COL23A1: variants seen among roughly 807,000 people sequenced by gnomAD.
COL23A1 encodes the protein collagen type XXIII alpha 1 chain.
COL23A1 carries 97 observed loss-of-function variants against 99.3 expected under a neutral mutation model. The observed-to-expected ratio is 0.98, with a 90% CI of 0.83 to 1.16. The LOEUF is 1.16. Among genes scored for constraint, COL23A1 ranks in the 50% most tolerant of loss-of-function variants. The pLI is 0.00. For synonymous variants in COL23A1, 320 were observed against 308.2 expected (o/e 1.04, Z -0.40); for missense variants, 762 against 757.4 (o/e 1.01, Z -0.07).
Position 178,590,117 on chromosome 5 carries a change from C to T in COL23A1, c.81G>A (p.Ser27=). ...CCGCCCGGGACCCGGCCGTCGTCGC[C>T]GAGCGCCCTCCGCCGCCGCCGCCCG... The part of the protein sequence containing the change: ...NAAGGGGGGR[S]ATTAGSRAVS... The change falls in exon 1 of 29, where the codon TCG becomes TCA. Residue 27 remains serine, a synonymous_variant. Coordinates refer to ENST00000390654, the MANE Select transcript of COL23A1 (RefSeq NM_173465.4). The surrounding 1 kb of genome is among the most constrained non-coding windows in gnomAD (Gnocchi z 5.7). The T allele has an allele frequency of 8.0e-7, 1 of 1,247,024 alleles. No homozygotes were observed. Among genetic ancestry groups the T allele is most frequent in the Non-Finnish European group, 1.0e-6 (1 of 997,928 alleles). 77.2% of individuals were successfully genotyped at this position (1,247,024 alleles called of 1,614,324 possible). A position where few individuals can be genotyped will look rare whatever the true frequency, so the allele number is the denominator to read the frequency against.
chr5:178,563,488 C>G (rs907373873), intron 1 of COL23A1, among the ~76,000 whole-genome samples: 11 of 150,780 alleles, frequency 7.3e-5, no homozygotes, highest in African/African-American at 2.7e-4. Flanking sequence ...GGGGGGCCCA[C>G]GCAAAAGCTG....
chr5:178,484,659 T>TA (rs1270033146), intron 2 of COL23A1, among the ~76,000 whole-genome samples: 1 of 151,482 alleles, frequency 6.6e-6, no homozygotes, highest in Non-Finnish European at 1.5e-5. Context: ...CCGTCTCTAG[T>TA]AAAAATACAA....
In COL23A1 at chr5:178,350,704, G is replaced by A. The variant is rs575396454; in HGVS notation, c.362-43785C>T. 5.3e-5 allele frequency among the ~76,000 whole-genome samples: 8 copies of A among 152,278 alleles called. No homozygotes were observed. In the South Asian group the frequency reaches 1.0e-3, roughly 20 times the overall value. ...ATCTGTTAATGGGACCAGGCTGCCC[G>A]AGACCCTGGGCAGCCCTGCTGCTGT... On this transcript the variant is annotated intron_variant, in intron 2 of 28. Coordinates refer to ENST00000390654, the MANE Select transcript of COL23A1 (RefSeq NM_173465.4).
intron 2 of COL23A1, among the ~76,000 whole-genome samples, chr5:178,311,172 CT>C (rs1392738652): frequency 6.6e-6 from 1 of 152,196 alleles, no homozygotes; most frequent in Admixed American, 6.5e-5. Context: ...ATCTGCAAAA[CT>C]TCTTTTCAGA....
chr5:178,242,556 G>T (rs915494948), intron 25 of COL23A1, among the ~76,000 whole-genome samples, 162 bp from the exon 26 acceptor site: 2 of 152,216 alleles, frequency 1.3e-5, no homozygotes, highest in Non-Finnish European at 2.9e-5. Flanking sequence ...ACACTGCTGG[G>T]TACAAGGCTG....
At chr5:178,276,791 C>T (rs556322361) in intron 5 of COL23A1, among the ~76,000 whole-genome samples, 4 of 152,294 alleles carry the variant, frequency 2.6e-5, no homozygotes, top group African/African-American at 9.6e-5. Context: ...GTTGCTGGTG[C>T]CTTGAGGGTG....
chr5:178,572,424 C>T (rs1245161250), intron 1 of COL23A1, among the ~76,000 whole-genome samples: 1 of 151,592 alleles, frequency 6.6e-6, no homozygotes, highest in Non-Finnish European at 1.5e-5. Flanking sequence ...CTAAGAATCA[C>T]AATGAAACCC....
intron 2 of COL23A1, among the ~76,000 whole-genome samples, chr5:178,463,447 G>GA (rs1167494975): frequency 6.6e-6 from 1 of 152,178 alleles, no homozygotes; most frequent in African/African-American, 2.4e-5. Context: ...GTGGGAGTAG[G>GA]ATGGGAGGAA....
At chr5:178,261,121 A>C (rs1198648860) in intron 11 of COL23A1, among the ~76,000 whole-genome samples, 1 of 152,010 alleles carries the variant, frequency 6.6e-6, no homozygotes, top group Non-Finnish European at 1.5e-5. Context: ...CTAAAAATAA[A>C]ATCTATTTGG....
At position 178,250,084 on chromosome 5, in the gene COL23A1, C is replaced by T; in HGVS notation, c.1036G>A (p.Ala346Thr). The change falls in exon 18 of 29, where the codon GCC becomes ACC. Residue 346 changes from alanine (A) to threonine (T), a missense_variant. Ala to Thr is a moderately conservative substitution (Grantham distance 58). Coordinates refer to ENST00000390654, the MANE Select transcript of COL23A1 (RefSeq NM_173465.4). ...ACCTTCTCTCCATCGATTCCTGGGGCACCGGGCAATCCAAGCTCGCCCTGG... is the reference window on the plus strand; with the variant it reads ...ACCTTCTCTCCATCGATTCCTGGGGTACCGGGCAATCCAAGCTCGCCCTGG... Reference protein sequence around the residue: ...GAKGELGLPGAPGIDGEKGPK... With the variant: ...GAKGELGLPGTPGIDGEKGPK... 1 of 1,614,182 alleles carries T rather than the reference C, an allele frequency of 6.2e-7. No individual in the cohort carries two copies. The highest frequency in any genetic ancestry group is 8.5e-7 in the Non-Finnish European group (1 of 1,180,028).
intron 27 of COL23A1, among the ~76,000 whole-genome samples, chr5:178,240,864 C>T (rs540195685): frequency 5.9e-5 from 9 of 152,266 alleles, no homozygotes; most frequent in South Asian, 4.1e-4. Context: ...AGTTTTAGTA[C>T]GAAAACCCAG....
At chr5:178,543,399 G>A (rs1202655914) in intron 2 of COL23A1, among the ~76,000 whole-genome samples, 3 of 152,060 alleles carry the variant, frequency 2.0e-5, no homozygotes, top group Admixed American at 6.5e-5. Flanking sequence ...GAGCCACCGC[G>A]CCTGACCTAT....
At chr5:178,357,568 G>A (rs1761729379) in intron 2 of COL23A1, among the ~76,000 whole-genome samples, 1 of 152,242 alleles carries the variant, frequency 6.6e-6, no homozygotes, top group African/African-American at 2.4e-5. Context: ...CCAAGAGGCA[G>A]GCGGCCTCCA....
intron 2 of COL23A1, among the ~76,000 whole-genome samples, chr5:178,469,599 G>A (rs1561999418): frequency 6.6e-6 from 1 of 151,926 alleles, no homozygotes; most frequent in Non-Finnish European, 1.5e-5. Flanking sequence ...GGGGAGCTGG[G>A]CTCCCCCGGG....
At position 178,239,183 on chromosome 5, in the gene COL23A1, G is replaced by A; in HGVS notation, c.1582-4C>T. Reference sequence around the variant, plus strand: ...GCACAGGCAGCCCGTCGGGGCCCTGGAAAGGAAGAAGGTTTCAGTGATGGG... The same window carrying A: ...GCACAGGCAGCCCGTCGGGGCCCTGAAAAGGAAGAAGGTTTCAGTGATGGG... On this transcript the variant is annotated splice_polypyrimidine_tract_variant and splice_region_variant and intron_variant, in intron 27 of 28. Transcript: ENST00000390654. 1 of 1,614,076 alleles carries A rather than the reference G, an allele frequency of 6.2e-7. No individual in the cohort carries two copies. The highest frequency in any genetic ancestry group is 1.7e-5 in the Admixed American group (1 of 60,016).
chr5:178,357,774 GTGTA>G (rs1761761601), intron 2 of COL23A1, among the ~76,000 whole-genome samples: 2 of 143,554 alleles, frequency 1.4e-5, no homozygotes, highest in Admixed American at 6.9e-5. Flanking sequence ...GTATGTATGT[GTGTA>G]TGTGTATGTG....
intron 2 of COL23A1, among the ~76,000 whole-genome samples, chr5:178,517,178 G>C (rs1759569964): frequency 6.6e-6 from 1 of 152,234 alleles, no homozygotes; most frequent in Non-Finnish European, 1.5e-5. Flanking sequence ...ACAGCTGTCA[G>C]TCTTATTCCA....
At chr5:178,411,764 A>G (rs1165965585) in intron 2 of COL23A1, among the ~76,000 whole-genome samples, 2 of 152,232 alleles carry the variant, frequency 1.3e-5, no homozygotes, top group Non-Finnish European at 2.9e-5. Context: ...TGTTCACTTA[A>G]TTTTGTGCTA....
chr5:178,292,800 T>C (rs1029781395), intron 3 of COL23A1, among the ~76,000 whole-genome samples: 7 of 152,072 alleles, frequency 4.6e-5, no homozygotes, highest in Admixed American at 6.6e-5. Flanking sequence ...GGGGAGATAG[T>C]AGTGGGGCAG....
Sources: allele counts gnomAD v4.1 joint callset (sites outside exome capture counted in the v4.1 genomes callset), GRCh38; gene constraint gnomAD v4.1.1; non-coding constraint Gnocchi (gnomAD v3.1); transcripts MANE v1.5; gene names NCBI Gene and HGNC (gene_info 2026-07-23, HGNC 2026-07-21).